LRRC4C: variants seen among roughly 807,000 people sequenced by gnomAD.
The protein encoded by LRRC4C is leucine-rich repeat-containing protein 4C.
In LRRC4C, 5 loss-of-function variants were observed where a neutral mutation model predicts 33.6. The ratio of observed to expected loss-of-function variants is 0.15; its 90% confidence interval spans 0.08 to 0.31. The LOEUF is 0.31. LRRC4C is among the 10% of genes least tolerant of loss of function. The pLI, the probability that LRRC4C is intolerant of heterozygous loss-of-function variation, is 1.00. For missense variants in LRRC4C, 560 were observed against 796.7 expected (o/e 0.70, Z 3.58); for synonymous variants, 329 against 302.0 (o/e 1.09, Z -0.93).
At chr11:41,425,736 G>A (rs925567327) in intron 1 of LRRC4C, among the ~76,000 whole-genome samples, 3 of 151,984 alleles carry the variant, frequency 2.0e-5, no homozygotes, top group Non-Finnish European at 4.4e-5. Flanking sequence ...GTATCATAAC[G>A]AAGGGATTTC....
chr11:40,627,063 T>C (rs887996126), intron 3 of LRRC4C, among the ~76,000 whole-genome samples: 8 of 144,410 alleles, frequency 5.5e-5, no homozygotes, highest in Admixed American at 3.0e-4. Context: ...TTAAAAGCTG[T>C]CAGCTATACT....
intron 1 of LRRC4C, among the ~76,000 whole-genome samples, chr11:41,406,689 T>C (rs1954248065): frequency 7.2e-6 from 1 of 139,424 alleles, no homozygotes; most frequent in South Asian, 2.4e-4. Flanking sequence ...TCCTCTTTCC[T>C]CTCCCCTACA....
intron 1 of LRRC4C, among the ~76,000 whole-genome samples, chr11:41,142,900 A>C (rs1206586897): frequency 2.0e-5 from 3 of 152,176 alleles, no homozygotes; most frequent in Admixed American, 2.0e-4. Flanking sequence ...AGTGCAGAAA[A>C]ACAGTGTTCG....
In LRRC4C at chr11:41,302,716, GTTC is replaced by G. The variant is rs374915195; in HGVS notation, c.-496+156712_-496+156714del. Among the ~76,000 whole-genome samples the G allele has an allele frequency of 2.1e-3, 325 of 152,232 alleles. 1 individual carries two copies. Among genetic ancestry groups the G allele is most frequent in the African/African-American group, 6.3e-3 (260 of 41,552 alleles). On this transcript the variant is annotated intron_variant, in intron 1 of 6. Transcript: ENST00000528697. ...TTTCTCTGCTTAAAAGTCTTCAACAGTTCTTCATTGTTTTAATAATAATGCCAG... is the reference window on the plus strand; with the variant it reads ...TTTCTCTGCTTAAAAGTCTTCAACAGTTCATTGTTTTAATAATAATGCCAG...
intron 1 of LRRC4C, among the ~76,000 whole-genome samples, chr11:41,405,695 C>A (rs539351802): frequency 4.1e-4 from 63 of 152,054 alleles, no homozygotes; most frequent in Non-Finnish European, 6.6e-4. Flanking sequence ...AGGACAGGAA[C>A]AAGAAAAAGG....
chr11:40,995,592 G>A (rs114498167), intron 1 of LRRC4C, among the ~76,000 whole-genome samples: 2,125 of 152,140 alleles, frequency 0.014, 53 homozygotes, highest in African/African-American at 0.049. Flanking sequence ...TTCTTCCCTT[G>A]ATGTCTATTG....
Position 40,744,482 on chromosome 11 carries a change from T to G in LRRC4C, c.-406-96204A>C, listed in dbSNP as rs572709083. 6.0e-4 allele frequency among the ~76,000 whole-genome samples: 91 copies of G among 152,268 alleles called. 2 individuals carry two copies. The highest frequency in any genetic ancestry group is 3.7e-3 in the South Asian group (18 of 4,822). ...CAGAATTTCTCTACTTCATTGTAAT[T>G]GTAGTGGTCTCAAATTTACACAGTA... On this transcript the variant is annotated intron_variant, in intron 2 of 6. Coordinates refer to ENST00000528697, the MANE Select transcript of LRRC4C (RefSeq NM_001258419.2).
rs539038112 is a variant in LRRC4C at position 40,288,457 on chromosome 11, G to C, written c.-176+31171C>G. On this transcript the variant is annotated intron_variant, in intron 4 of 6. Coordinates refer to ENST00000528697, the MANE Select transcript of LRRC4C (RefSeq NM_001258419.2). ...CTGTACTATTATCATCCACAGATGAGACATTAAGAATAACAATTACTACAG... is the reference window on the plus strand; with the variant it reads ...CTGTACTATTATCATCCACAGATGACACATTAAGAATAACAATTACTACAG... Among the ~76,000 whole-genome samples, 3 of 152,260 alleles carry C rather than the reference G, an allele frequency of 2.0e-5. No individual in the cohort carries two copies. The East Asian group carries it at 5.8e-4, about 29-fold the overall frequency.
At chr11:41,171,640 T>C (rs1248063735) in intron 1 of LRRC4C, among the ~76,000 whole-genome samples, 2 of 151,690 alleles carry the variant, frequency 1.3e-5, no homozygotes, top group Non-Finnish European at 2.9e-5. Flanking sequence ...TTAGGAGATA[T>C]ACCCTAAAAC....
At chr11:40,674,847 G>A (rs1944316531) in intron 2 of LRRC4C, among the ~76,000 whole-genome samples, 1 of 150,742 alleles carries the variant, frequency 6.6e-6, no homozygotes, top group Non-Finnish European at 1.5e-5. Context: ...TAAATGATGG[G>A]TGTTATTAAC....
intron 1 of LRRC4C, among the ~76,000 whole-genome samples, chr11:41,226,709 T>G (rs2136427374): frequency 6.7e-6 from 1 of 149,204 alleles, no homozygotes; most frequent in Admixed American, 6.7e-5. Context: ...ACTGGTCCAT[T>G]CAGCCTGTTC....
chr11:41,133,138 C>A (rs868163721), intron 1 of LRRC4C, among the ~76,000 whole-genome samples: 2 of 152,112 alleles, frequency 1.3e-5, no homozygotes, highest in African/African-American at 2.4e-5. Context: ...CACACAAGAG[C>A]AAAGACCATA....
At chr11:40,880,257 C>T (rs769747406) in intron 2 of LRRC4C, among the ~76,000 whole-genome samples, 18 of 151,968 alleles carry the variant, frequency 1.2e-4, no homozygotes, top group Non-Finnish European at 1.9e-4. Context: ...CAGTCAAACA[C>T]CAGAAACTAG....
At chr11:40,136,318 G>A (rs1856971112) in intron 6 of LRRC4C, among the ~76,000 whole-genome samples, 1 of 151,934 alleles carries the variant, frequency 6.6e-6, no homozygotes, top group Middle Eastern at 3.2e-3. Context: ...CCAGGCTGGA[G>A]TGCAGTGGCG....
intron 3 of LRRC4C, among the ~76,000 whole-genome samples, chr11:40,393,057 T>A (rs1405903550): frequency 6.6e-6 from 1 of 151,860 alleles, no homozygotes; most frequent in African/African-American, 2.4e-5. Context: ...CAAAAAGCCC[T>A]CAGAGAGAAT....
chr11:40,650,111 A>AATAG lies in LRRC4C; in HGVS notation c.-406-1837_-406-1834dup, dbSNP rs1942701529. Among the ~76,000 whole-genome samples, 4 of 152,228 alleles carry AATAG rather than the reference A, an allele frequency of 2.6e-5. No homozygotes were observed. In the South Asian group the frequency reaches 8.3e-4, roughly 31 times the overall value. On this transcript the variant is annotated intron_variant, in intron 2 of 6. Transcript: ENST00000528697. ...TAGGCTAATGAAGAATTCCAAAAAA[A>AATAG]ATAGATAATGAATTTCCTGTCACAG...
chr11:40,467,139 G>A (rs1952691112), intron 3 of LRRC4C, among the ~76,000 whole-genome samples: 1 of 152,026 alleles, frequency 6.6e-6, no homozygotes, highest in Non-Finnish European at 1.5e-5. Context: ...ATGAATTATG[G>A]ACTCTTAGAC....
rs111455634 is a variant in LRRC4C at position 40,699,359 on chromosome 11, C to T, written c.-406-51081G>A. ...ATTGATTCAGCTCAGCACAAAAAAT[C>T]CCTTCATTAATAGGTGTAGAAAGCC... On this transcript the variant is annotated intron_variant, in intron 2 of 6. Transcript: ENST00000528697. Among the ~76,000 whole-genome samples, 30 of 152,154 alleles carry T rather than the reference C, an allele frequency of 2.0e-4. 1 individual carries two copies. Among genetic ancestry groups the T allele is most frequent in the African/African-American group, 6.5e-4 (27 of 41,496 alleles).
chr11:41,058,726 T>C (rs998475136), intron 1 of LRRC4C, among the ~76,000 whole-genome samples: 8 of 152,210 alleles, frequency 5.3e-5, no homozygotes, highest in Non-Finnish European at 1.2e-4. Flanking sequence ...CAAAGGAATA[T>C]AAATTTTTCT....
Sources: allele counts gnomAD v4.1 joint callset (sites outside exome capture counted in the v4.1 genomes callset), GRCh38; gene constraint gnomAD v4.1.1; transcripts MANE v1.5; gene names NCBI Gene and HGNC (gene_info 2026-07-23, HGNC 2026-07-21).